Variants in SUPV3L1 observed in about 807,000 individuals in gnomAD.
SUPV3L1 encodes the protein Suv3 like RNA helicase.
SUPV3L1 carries 35 observed loss-of-function variants against 70.0 expected under a neutral mutation model. That is an observed-to-expected ratio of 0.50 (90% CI 0.38 to 0.66). The LOEUF (loss-of-function observed/expected upper bound fraction) is 0.66, where lower values mean the gene tolerates loss of function less well. SUPV3L1 is among the 30% of genes least tolerant of loss of function. SUPV3L1 has a pLI of 0.00. For missense variants in SUPV3L1, 777 were observed against 961.5 expected (o/e 0.81, Z 2.54); for synonymous variants, 364 against 341.9 (o/e 1.06, Z -0.71).
chr10:69,180,705 G>C, intron 1 of SUPV3L1, 143 bp downstream of exon 1: 1 of 1,147,472 alleles, frequency 8.7e-7, no homozygotes, highest in Non-Finnish European at 1.2e-6. Flanking sequence ...TGCCTCCTTC[G>C]CTGGTGTGTG....
rs778017574 is a variant in SUPV3L1 at position 69,195,292 on chromosome 10, C to T, written c.931+27C>T. 1.6e-5 allele frequency: 25 copies of T among 1,567,498 alleles called. No homozygotes were observed. In the East Asian group the frequency reaches 1.8e-4, roughly 11 times the overall value. The stretch of plus-strand genomic sequence containing the variant: ...TTGGTGGTCGTAATGCTATAAAACC[C>T]GTGCTTTATGACATCTGCGCTGAGA... On this transcript the variant is annotated intron_variant, in intron 7 of 14. Transcript: ENST00000359655.
At chr10:69,187,567 GA>G in intron 3 of SUPV3L1, 74 bp from the exon 4 acceptor site, 1 of 1,120,566 alleles carries the variant, frequency 8.9e-7, no homozygotes, top group Non-Finnish European at 1.3e-6. Flanking sequence ...AGCTTGTTAA[GA>G]AAAAAGATTT....
At chr10:69,204,522 C>T (rs1842771137) in intron 13 of SUPV3L1, among the ~76,000 whole-genome samples, 2 of 152,110 alleles carry the variant, frequency 1.3e-5, no homozygotes, top group Admixed American at 6.6e-5. Context: ...TCGAGAACAT[C>T]TCCAGCAACA....
intron 11 of SUPV3L1, among the ~76,000 whole-genome samples, chr10:69,200,840 A>G (rs1325496962): frequency 6.6e-6 from 1 of 152,232 alleles, no homozygotes; most frequent in East Asian, 1.9e-4. Context: ...TGGACTGAAA[A>G]ATGACCAGAA....
At chr10:69,197,163 G>A in intron 8 of SUPV3L1, 80 bp downstream of exon 8, 1 of 1,110,528 alleles carries the variant, frequency 9.0e-7, no homozygotes, top group Non-Finnish European at 1.4e-6. Context: ...AGAGGCCCTA[G>A]ATAATGCCAG....
At chr10:69,198,159 C>G (rs183792167) in intron 8 of SUPV3L1, among the ~76,000 whole-genome samples, 1 of 152,270 alleles carries the variant, frequency 6.6e-6, no homozygotes, top group Non-Finnish European at 1.5e-5. Context: ...GTGAAACACT[C>G]TGTTTCATCT....
chr10:69,207,414 G>A (rs1589393186), intron 13 of SUPV3L1, among the ~76,000 whole-genome samples: 1 of 152,316 alleles, frequency 6.6e-6, no homozygotes, highest in East Asian at 1.9e-4. Flanking sequence ...CCTGGGCTCA[G>A]TAATCCTCCA....
At chr10:69,198,329 T>G in intron 8 of SUPV3L1, 43 bp from the exon 9 acceptor site, 1 of 1,544,000 alleles carries the variant, frequency 6.5e-7, no homozygotes, top group Non-Finnish European at 8.7e-7. Flanking sequence ...CACAAGAAGT[T>G]GAGTTGGGTG....
chr10:69,202,982 A>G lies in SUPV3L1; in HGVS notation c.1715A>G (p.Tyr572Cys). 1 of 1,614,106 alleles carries G rather than the reference A, an allele frequency of 6.2e-7. No homozygotes were observed. The highest frequency in any genetic ancestry group is 8.5e-7 in the Non-Finnish European group (1 of 1,180,006). Residue 572 changes from tyrosine (Y) to cysteine (C), a missense_variant, in exon 13 of 15, where the codon TAT becomes TGT. Coordinates refer to ENST00000359655, the MANE Select transcript of SUPV3L1 (RefSeq NM_003171.5). ...QHIPLSLRVR[Y>C]VFCTAPINKK... The stretch of plus-strand genomic sequence containing the variant: ...ATTCCACTAAGTCTGCGAGTGAGGT[A>G]TGTTTTCTGCACAGCTCCTATCAAC...
Position 69,200,348 on chromosome 10 carries a change from T to A in SUPV3L1, c.1367T>A (p.Leu456Gln), listed in dbSNP as rs1842653058. 6.2e-7 allele frequency: 1 copy of A among 1,613,958 alleles called. No homozygotes were observed. The highest frequency in any genetic ancestry group is 1.7e-5 in the Admixed American group (1 of 59,998). ...ATCAATGAAAAGGGAGAGAGAGAAC[T>A]AGAACCAATCACAACCTCTCAAGCC... ...PSINEKGERE[L>Q]EPITTSQALQ... Residue 456 changes from leucine (L) to glutamine (Q), a missense_variant, in exon 11 of 15, where the codon CTA (leucine) becomes CAA (glutamine). Transcript: ENST00000359655.
chr10:69,184,356 C>T (rs937743066), intron 1 of SUPV3L1, among the ~76,000 whole-genome samples: 1 of 151,976 alleles, frequency 6.6e-6, no homozygotes, highest in Non-Finnish European at 1.5e-5. Flanking sequence ...TGGAGAAACC[C>T]TGTCTCTACT....
chr10:69,205,533 C>G (rs1306199484), intron 13 of SUPV3L1, among the ~76,000 whole-genome samples: 1 of 152,134 alleles, frequency 6.6e-6, no homozygotes, highest in African/African-American at 2.4e-5. Flanking sequence ...CGCCATGATG[C>G]GTGGTGTGTT....
chr10:69,187,863 T>C, intron 4 of SUPV3L1, 107 bp downstream of exon 4: 1 of 700,568 alleles, frequency 1.4e-6, no homozygotes, highest in Non-Finnish European at 2.3e-6. Flanking sequence ...ATAAGGAGTC[T>C]GGATTAGGTT....
At chr10:69,202,081 C>T (rs1021498497) in intron 11 of SUPV3L1, among the ~76,000 whole-genome samples, 19 of 152,016 alleles carry the variant, frequency 1.2e-4, no homozygotes, top group Non-Finnish European at 2.6e-4. Context: ...CCTCGTGATC[C>T]GCCCACCTTG....
chr10:69,206,622 G>C (rs1300940858), intron 13 of SUPV3L1, among the ~76,000 whole-genome samples: 1 of 152,212 alleles, frequency 6.6e-6, no homozygotes, highest in Non-Finnish European at 1.5e-5. Flanking sequence ...AAAGAGTGTT[G>C]ACTTGGCCAA....
intron 11 of SUPV3L1, 108 bp downstream of exon 11, chr10:69,200,607 G>A: frequency 1.0e-6 from 1 of 965,614 alleles, no homozygotes; most frequent in Non-Finnish European, 1.5e-6. Context: ...ACAGACATAA[G>A]TGAAAGAAAA....
At chr10:69,181,764 T>G (rs901160487) in intron 1 of SUPV3L1, among the ~76,000 whole-genome samples, 1 of 152,178 alleles carries the variant, frequency 6.6e-6, no homozygotes, top group African/African-American at 2.4e-5. Flanking sequence ...CCTGTGATAA[T>G]GGCATTAATC....
intron 7 of SUPV3L1, 47 bp from the exon 8 acceptor site, chr10:69,196,941 ATATT>A: frequency 6.7e-7 from 1 of 1,496,144 alleles, no homozygotes. Context: ...AAAATGTTGT[ATATT>A]TAATTATAAA....
At chr10:69,184,382 G>A (rs767671043) in intron 1 of SUPV3L1, among the ~76,000 whole-genome samples, 2 of 151,950 alleles carry the variant, frequency 1.3e-5, no homozygotes, top group South Asian at 4.2e-4. Context: ...TACAAAATTA[G>A]TCGGGCATGG....
Sources: allele counts gnomAD v4.1 joint callset (sites outside exome capture counted in the v4.1 genomes callset), GRCh38; gene constraint gnomAD v4.1.1; transcripts MANE v1.5; gene names NCBI Gene and HGNC (gene_info 2026-07-23, HGNC 2026-07-21).